IRAG1: variants seen among roughly 807,000 people sequenced by gnomAD.
The protein encoded by IRAG1 is IP3R-associated cGMP kinase substrate.
IRAG1 carries 62 observed loss-of-function variants against 106.2 expected under a neutral mutation model. The ratio of observed to expected loss-of-function variants is 0.58; its 90% CI spans 0.48 to 0.72. The LOEUF (loss-of-function observed/expected upper bound fraction) is 0.72. IRAG1 is among the 30% of genes least tolerant of loss of function. The pLI is 0.00. For missense variants in IRAG1, 1,064 were observed against 1,140.7 expected, an observed-to-expected ratio of 0.93 and a Z score of 0.97; for synonymous variants, 462 against 443.9, an observed-to-expected ratio of 1.04 and a Z score of -0.51.
intron 1 of IRAG1, chr11:10,687,398 C>T (rs1861739335): frequency 5.7e-6 from 1 of 176,430 alleles, no homozygotes; most frequent in South Asian, 1.2e-4. Flanking sequence ...GACACACATT[C>T]TGCTCTGTTT....
chr11:10,688,641 T>G (rs1291244048), intron 1 of IRAG1, among the ~76,000 whole-genome samples: 3 of 152,122 alleles, frequency 2.0e-5, no homozygotes, highest in Admixed American at 1.3e-4. Flanking sequence ...CTGTTGGTTT[T>G]GCTGGGATGA....
intron 10 of IRAG1, among the ~76,000 whole-genome samples, chr11:10,623,331 G>A (rs1465096607): frequency 6.6e-6 from 1 of 152,188 alleles, no homozygotes; most frequent in Admixed American, 6.5e-5. Flanking sequence ...GGTTCTGGCA[G>A]AAGGTGGACA....
At chr11:10,632,433 G>A (rs1006075266) in intron 3 of IRAG1, among the ~76,000 whole-genome samples, 3 of 152,044 alleles carry the variant, frequency 2.0e-5, no homozygotes, top group African/African-American at 4.8e-5. Context: ...TGATCTGCCC[G>A]CCTTGGCCTC....
intron 1 of IRAG1, among the ~76,000 whole-genome samples, chr11:10,687,228 T>C (rs1861725790): frequency 6.6e-6 from 1 of 152,074 alleles, no homozygotes; most frequent in Non-Finnish European, 1.5e-5. Flanking sequence ...AGACCAGCCT[T>C]GCAAGTGGGC....
intron 15 of IRAG1, 73 bp from the exon 16 acceptor site, chr11:10,594,268 G>A (rs1411263746): frequency 1.4e-6 from 2 of 1,423,948 alleles, no homozygotes; most frequent in African/African-American, 1.4e-5. Context: ...ACAGAAACTA[G>A]GCTATCGTAT....
At chr11:10,620,142 A>G (rs1035283278) in intron 10 of IRAG1, among the ~76,000 whole-genome samples, 2 of 152,208 alleles carry the variant, frequency 1.3e-5, no homozygotes, top group African/African-American at 4.8e-5. Flanking sequence ...ATAAAGATCT[A>G]TGTAAGATAG....
At position 10,665,419 on chromosome 11, in the gene IRAG1, C is replaced by G. The variant is rs905227847; in HGVS notation, c.68-13237G>C. Among the ~76,000 whole-genome samples, 1 of 152,210 alleles carries G rather than the reference C, an allele frequency of 6.6e-6. No homozygotes were observed. Among genetic ancestry groups the G allele is most frequent in the Non-Finnish European group, 1.5e-5 (1 of 68,042 alleles). ...CTCCAGAGGAGTGACTCGGTTTGAC[C>G]AACCTCCATGTTCCTGCCTAGACGA... On this transcript the variant is annotated intron_variant, in intron 1 of 20. Coordinates refer to ENST00000423302, the MANE Select transcript of IRAG1 (RefSeq NM_130385.4). This position sits in a 1 kb window ranked among gnomAD's most constrained non-coding sequence, Gnocchi z 4.2.
At chr11:10,679,952 A>G (rs1425329272) in intron 1 of IRAG1, among the ~76,000 whole-genome samples, 1 of 152,162 alleles carries the variant, frequency 6.6e-6, no homozygotes, top group Non-Finnish European at 1.5e-5. Flanking sequence ...ACGTTTTTCC[A>G]AGGAGTATCT....
At position 10,671,868 on chromosome 11, in the gene IRAG1, A is replaced by T. The variant is rs568937627; in HGVS notation, c.68-19686T>A. On this transcript the variant is annotated intron_variant, in intron 1 of 20. Transcript: ENST00000423302. ...TGGAATGCCATCTCATTCCAATTTC[A>T]TATGGAAACACAAGGAAGCAACAAT... Among the ~76,000 whole-genome samples the T allele has an allele frequency of 2.6e-4, 39 of 152,362 alleles. No individual in the cohort carries two copies. In the South Asian group the frequency reaches 8.1e-3, roughly 32 times the overall value.
Position 10,632,049 on chromosome 11 carries a change from G to A in IRAG1, c.342C>T (p.Pro114=). Residue 114 remains proline (P), a synonymous_variant, in exon 4 of 21, where the codon CCC becomes CCT. Transcript: ENST00000423302. ...DKNLANRVHS[P]HKRLSHRHLK... ...AGTGTCGGTGAGAAAGCCTCTTGTG[G>A]GGACTGTGAACTCTGAAAGACAGAA... 6.2e-7 allele frequency: 1 copy of A among 1,613,676 alleles called. No homozygotes were observed. The highest frequency in any genetic ancestry group is 8.5e-7 in the Non-Finnish European group (1 of 1,179,692).
At position 10,665,929 on chromosome 11, in the gene IRAG1, G is replaced by A. The variant is rs1859752778; in HGVS notation, c.68-13747C>T. ...GTCTTTAGACCCAAGTTGAGAACAG[G>A]TTATGGTGAACAGTGATATGCAATG... On this transcript the variant is annotated intron_variant, in intron 1 of 20. Transcript: ENST00000423302. The surrounding 1 kb of genome is among the most constrained non-coding windows in gnomAD (Gnocchi z 4.2). 6.6e-6 allele frequency among the ~76,000 whole-genome samples: 1 copy of A among 152,200 alleles called. No individual in the cohort carries two copies. Among genetic ancestry groups the A allele is most frequent in the Non-Finnish European group, 1.5e-5 (1 of 68,026 alleles).
chr11:10,662,879 T>C (rs1178506815), intron 1 of IRAG1, among the ~76,000 whole-genome samples: 2 of 152,224 alleles, frequency 1.3e-5, no homozygotes, highest in Admixed American at 1.3e-4. Flanking sequence ...CTGGGAAATG[T>C]ACCTTATTTC....
chr11:10,652,488 T>C (rs1858604945), intron 1 of IRAG1: 5 of 561,158 alleles, frequency 8.9e-6, no homozygotes, highest in East Asian at 3.8e-5. Context: ...AGATACTCCA[T>C]TGAGATCACA....
chr11:10,650,461 C>T (rs549912134), intron 2 of IRAG1, among the ~76,000 whole-genome samples: 1 of 152,142 alleles, frequency 6.6e-6, no homozygotes, highest in Non-Finnish European at 1.5e-5. Context: ...TTAAGAGCTA[C>T]ATTTTGCCTG....
In IRAG1 at chr11:10,628,101, C is replaced by A. The variant is rs1349354031; in HGVS notation, c.653-76G>T. 6.7e-7 allele frequency: 1 copy of A among 1,500,276 alleles called. No homozygotes were observed. The highest frequency in any genetic ancestry group is 9.2e-7 in the Non-Finnish European group (1 of 1,086,672). 92.9% of individuals were successfully genotyped at this position (1,500,276 alleles called of 1,614,324 possible). On this transcript the variant is annotated intron_variant, in intron 6 of 20. Transcript: ENST00000423302. The surrounding 1 kb of genome is among the most constrained non-coding windows in gnomAD (Gnocchi z 4.1). ...GCTGTGCTTTCAGCCACATCTCCCT[C>A]CCCGGGCTATCCTCCCTTTGCAATC...
Position 10,659,548 on chromosome 11 carries a change from C to T in IRAG1, c.68-7366G>A, listed in dbSNP as rs901272394. Among the ~76,000 whole-genome samples, 4 of 152,184 alleles carry T rather than the reference C, an allele frequency of 2.6e-5. No individual in the cohort carries two copies. Among genetic ancestry groups the T allele is most frequent in the Admixed American group, 1.3e-4 (2 of 15,298 alleles). On this transcript the variant is annotated intron_variant, in intron 1 of 20. Transcript: ENST00000423302. The surrounding 1 kb of genome is among the most constrained non-coding windows in gnomAD (Gnocchi z 4.1). ...CTCTGTGGGAAACCTTCTTAGGGCC[C>T]GATTTTCTCCAGCCCTGCTCTCCGC...
intron 12 of IRAG1, among the ~76,000 whole-genome samples, chr11:10,605,030 T>C (rs1053046827): frequency 6.6e-6 from 1 of 152,226 alleles, no homozygotes; most frequent in Non-Finnish European, 1.5e-5. Flanking sequence ...GCCCGAGTAT[T>C]CCAAATCCTG....
intron 2 of IRAG1, 109 bp downstream of exon 2, chr11:10,651,916 C>A (rs1031303631): frequency 7.6e-7 from 1 of 1,318,876 alleles, no homozygotes; most frequent in Non-Finnish European, 1.0e-6. Flanking sequence ...CTGCAACCTA[C>A]ATGAGCTGTC....
At chr11:10,623,943 A>C in intron 9 of IRAG1, 87 bp from the exon 10 acceptor site, 1 of 1,292,480 alleles carries the variant, frequency 7.7e-7, no homozygotes, top group East Asian at 2.3e-5. Flanking sequence ...TTCTGCGACC[A>C]CTATCTTAGG....
Sources: allele counts gnomAD v4.1 joint callset (sites outside exome capture counted in the v4.1 genomes callset), GRCh38; gene constraint gnomAD v4.1.1; non-coding constraint Gnocchi (gnomAD v3.1); transcripts MANE v1.5; gene names NCBI Gene and HGNC (gene_info 2026-07-23, HGNC 2026-07-21).